The following PRKN variants were observed in gnomAD, a reference collection of about 807,000 sequenced individuals.
PRKN encodes the protein E3 ubiquitin-protein ligase parkin.
A neutral mutation model predicts 59.5 loss-of-function variants in PRKN; 56 were observed. The observed-to-expected ratio is 0.94, with a 90% CI of 0.76 to 1.18. PRKN has a LOEUF of 1.18. Among genes scored for constraint, PRKN ranks in the 50% most tolerant of loss-of-function variants. The pLI is 0.00. For synonymous variants in PRKN, 250 were observed against 222.1 expected, an observed-to-expected ratio of 1.13 and a Z score of -1.12; for missense variants, 657 against 596.4, an observed-to-expected ratio of 1.10 and a Z score of -1.06.
intron 6 of PRKN, among the ~76,000 whole-genome samples, chr6:161,870,206 T>C (rs1794288386): frequency 6.6e-6 from 1 of 152,108 alleles, no homozygotes; most frequent in Admixed American, 6.6e-5. Flanking sequence ...ATTAAGATAT[T>C]GGGCTGTTCT....
chr6:162,132,173 C>A (rs1695288068), intron 4 of PRKN, among the ~76,000 whole-genome samples: 1 of 152,130 alleles, frequency 6.6e-6, no homozygotes, highest in Non-Finnish European at 1.5e-5. Context: ...GTAACAAATT[C>A]TGCTGAGAAG....
At chr6:162,020,164 T>C (rs565299133) in intron 5 of PRKN, among the ~76,000 whole-genome samples, 1 of 151,868 alleles carries the variant, frequency 6.6e-6, no homozygotes, top group East Asian at 1.9e-4. Flanking sequence ...GGAGAACAAC[T>C]GTGTTTTTGT....
chr6:162,479,478 C>T (rs1266001945), intron 1 of PRKN, among the ~76,000 whole-genome samples: 1 of 152,124 alleles, frequency 6.6e-6, no homozygotes, highest in African/African-American at 2.4e-5. Flanking sequence ...ATTTGCCCAC[C>T]TAAGCCTCCC....
chr6:161,441,077 G>A (rs964089775), intron 9 of PRKN, among the ~76,000 whole-genome samples: 3 of 152,170 alleles, frequency 2.0e-5, no homozygotes, highest in African/African-American at 7.2e-5. Flanking sequence ...CACCATCAGG[G>A]GTTCTGGGGG....
chr6:161,818,585 T>C (rs1791889225), intron 6 of PRKN, among the ~76,000 whole-genome samples: 1 of 152,124 alleles, frequency 6.6e-6, no homozygotes, highest in Admixed American at 6.5e-5. Context: ...CCTCCTGCGT[T>C]GGACTCCCTA....
intron 9 of PRKN, among the ~76,000 whole-genome samples, chr6:161,504,306 C>T (rs517656): frequency 0.71 from 108,387 of 151,656 alleles, 39,036 homozygotes; most frequent in Middle Eastern, 0.81. Flanking sequence ...GAAGAGCCGG[C>T]AGGGATTGCC....
chr6:161,867,564 T>C (rs1217355804), intron 6 of PRKN, among the ~76,000 whole-genome samples: 1 of 152,012 alleles, frequency 6.6e-6, no homozygotes, highest in Non-Finnish European at 1.5e-5. Context: ...AAGATGATGA[T>C]GAAAATAGAA....
intron 2 of PRKN, among the ~76,000 whole-genome samples, chr6:162,301,389 T>G (rs1270239746): frequency 6.6e-6 from 1 of 152,138 alleles, no homozygotes; most frequent in Non-Finnish European, 1.5e-5. Flanking sequence ...TAAATATATG[T>G]CTGTTCTTAG....
chr6:161,995,018 C>G (rs1781790135), intron 5 of PRKN, among the ~76,000 whole-genome samples: 1 of 151,634 alleles, frequency 6.6e-6, no homozygotes, highest in Non-Finnish European at 1.5e-5. Context: ...CTGGAGGCAT[C>G]ACACTACCTG....
At chr6:162,125,884 T>A (rs974904883) in intron 4 of PRKN, among the ~76,000 whole-genome samples, 1 of 152,108 alleles carries the variant, frequency 6.6e-6, no homozygotes, top group Non-Finnish European at 1.5e-5. Flanking sequence ...GGAGGGTGAA[T>A]TGCTGTATTT....
intron 5 of PRKN, among the ~76,000 whole-genome samples, chr6:162,015,977 A>AT (rs1428469667): frequency 6.6e-6 from 1 of 152,188 alleles, no homozygotes; most frequent in Non-Finnish European, 1.5e-5. Flanking sequence ...AACTGACAAG[A>AT]TAAGTATTCA....
chr6:161,881,680 A>T (rs779705173), intron 6 of PRKN, among the ~76,000 whole-genome samples: 5 of 152,204 alleles, frequency 3.3e-5, no homozygotes, highest in Non-Finnish European at 5.9e-5. Flanking sequence ...TACATTTCAC[A>T]GACTATACAC....
intron 7 of PRKN, among the ~76,000 whole-genome samples, chr6:161,664,060 C>G (rs1032822706): frequency 5.3e-5 from 8 of 152,190 alleles, no homozygotes; most frequent in African/African-American, 1.9e-4. Flanking sequence ...TCAATTCTGG[C>G]CCCATTTCTG....
rs1554301313 is a variant in PRKN at position 161,757,871 on chromosome 6, C to CTGTG, written c.871+27897_871+27900dup. ...TCTCTCTCTCTCTCTCTCTCTCTCT[C>CTGTG]TGTGTATATATATATACACACACAC... On this transcript the variant is annotated intron_variant, in intron 7 of 11. Coordinates refer to ENST00000366898, the MANE Select transcript of PRKN (RefSeq NM_004562.3). 6.8e-3 allele frequency among the ~76,000 whole-genome samples: 669 copies of CTGTG among 97,974 alleles called. 64 individuals carry two copies. Among genetic ancestry groups the CTGTG allele is most frequent in the East Asian group, 0.058 (190 of 3,282 alleles). The allele number at this position is 97,974 out of a possible 152,430, so 64.3% of individuals were successfully genotyped here. A position where few individuals can be genotyped will look rare whatever the true frequency, so the allele number is the denominator to read the frequency against.
chr6:161,737,663 A>G (rs1223701538), intron 7 of PRKN, among the ~76,000 whole-genome samples: 2 of 152,208 alleles, frequency 1.3e-5, no homozygotes, highest in African/African-American at 4.8e-5. Flanking sequence ...CAGCAAGATT[A>G]CAGAGCTACT....
At chr6:161,932,736 A>G (rs907280042) in intron 6 of PRKN, among the ~76,000 whole-genome samples, 2 of 152,224 alleles carry the variant, frequency 1.3e-5, no homozygotes, top group East Asian at 3.8e-4. Flanking sequence ...TCTGTCAAGT[A>G]TCTTGCTGAA....
intron 5 of PRKN, among the ~76,000 whole-genome samples, chr6:162,026,672 T>C (rs553709626): frequency 2.1e-4 from 32 of 152,144 alleles, no homozygotes; most frequent in African/African-American, 6.0e-4. Context: ...TGCTTTTTTT[T>C]CCCCCCACAA....
At position 161,440,904 on chromosome 6, in the gene PRKN, G is replaced by C. The variant is rs544057860; in HGVS notation, c.1084-54027C>G. 6.7e-4 allele frequency among the ~76,000 whole-genome samples: 102 copies of C among 152,272 alleles called. No homozygotes were observed. The highest frequency in any genetic ancestry group is 2.5e-3 in the African/African-American group (102 of 41,554). ...AATGTGATAAGAGGCTGAACTGAAG[G>C]TGTCCCTAGAAAATTTAAGACTAAA... On this transcript the variant is annotated intron_variant, in intron 9 of 11. Transcript: ENST00000366898. The surrounding 1 kb of genome is among the most constrained non-coding windows in gnomAD (Gnocchi z 4.1).
intron 3 of PRKN, among the ~76,000 whole-genome samples, chr6:162,249,024 GCAC>G (rs1406579312): frequency 2.0e-5 from 3 of 151,716 alleles, no homozygotes; most frequent in African/African-American, 4.8e-5. Context: ...GACTACAGGT[GCAC>G]CACCACCACA....
Sources: allele counts gnomAD v4.1 joint callset (sites outside exome capture counted in the v4.1 genomes callset), GRCh38; gene constraint gnomAD v4.1.1; non-coding constraint Gnocchi (gnomAD v3.1); transcripts MANE v1.5; gene names NCBI Gene and HGNC (gene_info 2026-07-23, HGNC 2026-07-21).